HECW2: variants seen among roughly 807,000 people sequenced by gnomAD.
HECW2 encodes the protein E3 ubiquitin-protein ligase HECW2.
HECW2 carries 61 observed loss-of-function variants against 175.2 expected under a neutral mutation model. That is an observed-to-expected ratio of 0.35 (90% confidence interval 0.28 to 0.43). The LOEUF (loss-of-function observed/expected upper bound fraction) is 0.43, where lower values mean the gene tolerates loss of function less well. Ranked by LOEUF, HECW2 falls within the 20% of genes least tolerant of loss-of-function variation. The probability of loss-of-function intolerance (pLI) is 1.00; values close to 1 mark genes in which losing one functional copy is unlikely to be tolerated. For missense variants in HECW2, 1,524 were observed against 2,000.5 expected, an observed-to-expected ratio of 0.76 and a Z score of 4.54; for synonymous variants, 671 against 731.0, an observed-to-expected ratio of 0.92 and a Z score of 1.32.
At chr2:196,367,195 G>A (rs148826932) in intron 2 of HECW2, among the ~76,000 whole-genome samples, 1 of 152,238 alleles carries the variant, frequency 6.6e-6, no homozygotes, top group African/African-American at 2.4e-5. Flanking sequence ...ATATCGCACA[G>A]ATTCCCACAT....
intron 1 of HECW2, among the ~76,000 whole-genome samples, chr2:196,467,455 T>G (rs1697003773): frequency 6.6e-6 from 1 of 152,100 alleles, no homozygotes; most frequent in Non-Finnish European, 1.5e-5. Context: ...TTCCATTTAA[T>G]CCTCCTTGTA....
intron 2 of HECW2, among the ~76,000 whole-genome samples, chr2:196,429,384 A>G (rs1322762977): frequency 6.6e-6 from 1 of 152,150 alleles, no homozygotes; most frequent in Non-Finnish European, 1.5e-5. Flanking sequence ...CCTGCTAGGG[A>G]TAGAAATCTA....
At chr2:196,447,477 A>C (rs180681572) in intron 1 of HECW2, among the ~76,000 whole-genome samples, 2 of 152,344 alleles carry the variant, frequency 1.3e-5, no homozygotes, top group East Asian at 3.9e-4. Context: ...TGAACTGGTA[A>C]AAGATTCAGG....
intron 28 of HECW2, among the ~76,000 whole-genome samples, chr2:196,212,736 G>C (rs915846118): frequency 6.6e-6 from 1 of 152,148 alleles, no homozygotes; most frequent in Non-Finnish European, 1.5e-5. Context: ...GGGTTGAATG[G>C]TATTTCTGTT....
intron 11 of HECW2, 131 bp from the exon 12 acceptor site, chr2:196,307,364 G>A: frequency 1.1e-5 from 6 of 522,212 alleles, no homozygotes; most frequent in Non-Finnish European, 2.0e-5. Context: ...CCATTCCCTG[G>A]ACTTCTTGGC....
intron 14 of HECW2, among the ~76,000 whole-genome samples, chr2:196,283,261 CAAAAA>C (rs1190850443): frequency 4.4e-5 from 2 of 45,288 alleles, no homozygotes; most frequent in East Asian, 1.0e-3. Flanking sequence ...GACTCCATCT[CAAAAA>C]AAAAAAAAAA....
At chr2:196,372,459 A>G (rs1375825911) in intron 2 of HECW2, among the ~76,000 whole-genome samples, 1 of 152,214 alleles carries the variant, frequency 6.6e-6, no homozygotes, top group Non-Finnish European at 1.5e-5. Flanking sequence ...CTTTTGGTAT[A>G]TAAGTGTTGC....
Position 196,457,150 on chromosome 2 carries a change from G to A in HECW2, c.-35-23692C>T, listed in dbSNP as rs532251942. On this transcript the variant is annotated intron_variant, in intron 1 of 28. Coordinates refer to ENST00000644978, the MANE Select transcript of HECW2 (RefSeq NM_001348768.2). Reference sequence around the variant, plus strand: ...ATTCTATATGTTGAGCTGCTGATACGTTTTGGAGAGATACTACACATATGT... The same window carrying A: ...ATTCTATATGTTGAGCTGCTGATACATTTTGGAGAGATACTACACATATGT... Among the ~76,000 whole-genome samples the A allele has an allele frequency of 2.0e-5, 3 of 152,254 alleles. No homozygotes were observed. The South Asian group carries it at 6.2e-4, about 32-fold the overall frequency.
At chr2:196,434,648 T>C (rs1695817756) in intron 1 of HECW2, among the ~76,000 whole-genome samples, 2 of 152,236 alleles carry the variant, frequency 1.3e-5, no homozygotes, top group Admixed American at 6.5e-5. Flanking sequence ...GATTTTCTTC[T>C]GTACCATCCC....
chr2:196,223,376 T>C (rs1195296322), intron 23 of HECW2, among the ~76,000 whole-genome samples: 1 of 152,172 alleles, frequency 6.6e-6, no homozygotes, highest in Non-Finnish European at 1.5e-5. Flanking sequence ...AAAAGCTTTT[T>C]GCAGAAGATG....
intron 2 of HECW2, among the ~76,000 whole-genome samples, chr2:196,404,670 C>T (rs1171262914): frequency 1.3e-5 from 2 of 152,150 alleles, no homozygotes; most frequent in African/African-American, 2.4e-5. Context: ...GCTCCCACTA[C>T]AGAAACCCTT....
intron 4 of HECW2, among the ~76,000 whole-genome samples, chr2:196,332,523 A>C (rs1423067350): frequency 6.6e-6 from 1 of 152,162 alleles, no homozygotes; most frequent in Non-Finnish European, 1.5e-5. Context: ...ATGCTCTGAA[A>C]CCTGTTTGAA....
At chr2:196,268,125 A>G (rs755882095) in intron 17 of HECW2, among the ~76,000 whole-genome samples, 4 of 152,232 alleles carry the variant, frequency 2.6e-5, no homozygotes, top group African/African-American at 4.8e-5. Flanking sequence ...GTTCTCTTAG[A>G]TATACAAACT....
intron 1 of HECW2, among the ~76,000 whole-genome samples, chr2:196,455,896 T>C (rs1696495647): frequency 6.6e-6 from 1 of 151,950 alleles, no homozygotes; most frequent in South Asian, 2.1e-4. Context: ...CAGAAAAAAT[T>C]AGAACACCAT....
intron 21 of HECW2, among the ~76,000 whole-genome samples, chr2:196,234,092 C>T (rs2105858662): frequency 6.6e-6 from 1 of 152,278 alleles, no homozygotes; most frequent in South Asian, 2.1e-4. Context: ...ATTGATGGCA[C>T]CTCACACATA....
intron 2 of HECW2, among the ~76,000 whole-genome samples, chr2:196,352,834 C>G (rs2105857973): frequency 6.6e-6 from 1 of 152,326 alleles, no homozygotes; most frequent in South Asian, 2.1e-4. Flanking sequence ...AACACTTGGA[C>G]TCATTTCAGT....
intron 26 of HECW2, chr2:196,217,556 T>C (rs1687522079): frequency 6.5e-6 from 1 of 152,948 alleles, no homozygotes; most frequent in South Asian, 2.0e-4. Flanking sequence ...AATCAAATAA[T>C]TTATACAAAC....
At chr2:196,579,250 T>C (rs1444600226) in intron 1 of HECW2, among the ~76,000 whole-genome samples, 1 of 151,978 alleles carries the variant, frequency 6.6e-6, no homozygotes, top group Non-Finnish European at 1.5e-5. Context: ...TATGAAAATC[T>C]CCTCCTCCAG....
intron 1 of HECW2, among the ~76,000 whole-genome samples, chr2:196,510,127 C>G (rs1324703363): frequency 2.0e-5 from 3 of 152,172 alleles, no homozygotes; most frequent in Admixed American, 6.5e-5. Context: ...GTGCCTCCCC[C>G]ATCCACTCCC....
Sources: gnomAD v4.1 joint callset for allele counts (sites outside exome capture counted in the v4.1 genomes callset) on GRCh38, gnomAD v4.1.1 for gene constraint, MANE v1.5 for transcripts, NCBI Gene and HGNC (gene_info 2026-07-23, HGNC 2026-07-21) for gene names.